Variants in TCF4 observed in about 807,000 individuals in gnomAD.
The protein encoded by TCF4 is transcription factor 4, also known as SL3-3 enhancer factor 2.
Under a neutral mutation model 82.1 loss-of-function variants are expected in TCF4, and 3 were observed. The observed-to-expected ratio is 0.04, with a 90% CI of 0.02 to 0.09. The LOEUF is 0.09. Among genes scored for constraint, TCF4 ranks in the 10% least tolerant of loss-of-function variants. The pLI, the probability that TCF4 is intolerant of heterozygous loss-of-function variation, is 1.00. For synonymous variants in TCF4, 276 were observed against 309.6 expected, an observed-to-expected ratio of 0.89 and a Z score of 1.14; for missense variants, 518 against 852.7, an observed-to-expected ratio of 0.61 and a Z score of 4.89.
intron 5 of TCF4, among the ~76,000 whole-genome samples, chr18:55,434,822 TG>T (rs1224422409): frequency 5.4e-5 from 8 of 148,134 alleles, no homozygotes; most frequent in Non-Finnish European, 1.0e-4. Context: ...AGGTACATAG[TG>T]GGTATATATG....
intron 15 of TCF4, among the ~76,000 whole-genome samples, chr18:55,247,864 A>G (rs1351041803): frequency 5.3e-5 from 8 of 152,236 alleles, no homozygotes; most frequent in African/African-American, 2.4e-5. Context: ...GGGCAGAAAC[A>G]TAAGGACTGT....
At chr18:55,562,230 G>A (rs1438468755) in intron 3 of TCF4, among the ~76,000 whole-genome samples, 2 of 152,106 alleles carry the variant, frequency 1.3e-5, no homozygotes, top group African/African-American at 2.4e-5. Flanking sequence ...AAAGTTTGCC[G>A]ACCCCTGCTC....
chr18:55,254,833 A>C, intron 14 of TCF4, 133 bp from the exon 15 acceptor site: 1 of 839,592 alleles, frequency 1.2e-6, no homozygotes, highest in Non-Finnish European at 2.0e-6. Flanking sequence ...TATTTCCTTA[A>C]AACAATAATA....
intron 3 of TCF4, among the ~76,000 whole-genome samples, chr18:55,576,689 C>T (rs112648345): frequency 6.6e-6 from 1 of 152,214 alleles, no homozygotes; most frequent in African/African-American, 2.4e-5. Context: ...TTATTAATTT[C>T]CCCATGAAAG....
intron 8 of TCF4, among the ~76,000 whole-genome samples, chr18:55,288,304 C>T (rs1046066185): frequency 1.3e-5 from 2 of 152,118 alleles, no homozygotes; most frequent in Non-Finnish European, 2.9e-5. Flanking sequence ...TATCTGTTTA[C>T]ACCTATCAGC....
At chr18:55,275,275 GAAAAAAAA>G (rs533160424) in intron 10 of TCF4, among the ~76,000 whole-genome samples, 1 of 71,376 alleles carries the variant, frequency 1.4e-5, no homozygotes, top group Non-Finnish European at 2.7e-5. Context: ...ACTACAGATA[GAAAAAAAA>G]AAAAAAAAAA....
At chr18:55,351,990 CTAAT>C (rs1438037080) in intron 6 of TCF4, 2 of 726,120 alleles carry the variant, frequency 2.8e-6, no homozygotes, top group Non-Finnish European at 3.4e-6. Flanking sequence ...ACTGACTGAA[CTAAT>C]TACTGTCCTT....
At chr18:55,377,674 A>G (rs955302211) in intron 6 of TCF4, among the ~76,000 whole-genome samples, 2 of 152,364 alleles carry the variant, frequency 1.3e-5, no homozygotes, top group Non-Finnish European at 2.9e-5. Flanking sequence ...ACCACTGTCC[A>G]GGGACCCAGT....
chr18:55,629,801 T>C (rs1397235130), intron 2 of TCF4, among the ~76,000 whole-genome samples: 1 of 152,204 alleles, frequency 6.6e-6, no homozygotes, highest in Admixed American at 6.5e-5. Context: ...TCTTGAACCA[T>C]GCACAATTGA....
intron 3 of TCF4, among the ~76,000 whole-genome samples, chr18:55,580,851 C>T (rs1386456849): frequency 2.0e-5 from 3 of 151,206 alleles, no homozygotes; most frequent in Non-Finnish European, 4.4e-5. Flanking sequence ...GCCTTAAGAT[C>T]CAGTTGTTTA....
chr18:55,306,398 CTAGT>C (rs1438447015), intron 8 of TCF4, among the ~76,000 whole-genome samples: 12 of 152,088 alleles, frequency 7.9e-5, no homozygotes, highest in Non-Finnish European at 1.3e-4. Flanking sequence ...AAGATGGTGG[CTAGT>C]TAAAGAAAGC....
intron 8 of TCF4, among the ~76,000 whole-genome samples, chr18:55,332,840 A>T (rs1307922122): frequency 2.0e-5 from 3 of 152,270 alleles, no homozygotes; most frequent in Non-Finnish European, 4.4e-5. Context: ...GGTAGGAATT[A>T]TACTCTGTAT....
At chr18:55,284,758 C>A (rs953302297) in intron 8 of TCF4, among the ~76,000 whole-genome samples, 1 of 152,180 alleles carries the variant, frequency 6.6e-6, no homozygotes, top group Non-Finnish European at 1.5e-5. Flanking sequence ...CAGAAAACAG[C>A]AAAGCAGAAT....
At chr18:55,354,145 A>AT (rs1251362184) in intron 6 of TCF4, among the ~76,000 whole-genome samples, 4 of 152,002 alleles carry the variant, frequency 2.6e-5, no homozygotes, top group African/African-American at 7.2e-5. Flanking sequence ...CTCGCTCCTA[A>AT]TTTTTTTTCC....
chr18:55,387,782 C>A (rs2092719965), intron 6 of TCF4, among the ~76,000 whole-genome samples: 1 of 152,324 alleles, frequency 6.6e-6, no homozygotes, highest in Admixed American at 6.5e-5. Flanking sequence ...AACAAAGGGA[C>A]AATCGTCTAG....
rs535895066 is a variant in TCF4, at chr18:55,391,146, G to A, written c.369+12308C>T. Reference sequence around the variant, plus strand: ...CTTTTACCACCACTGATGTTGTATTGTACCAGTCACTCTACACATGACAGT... The same window carrying A: ...CTTTTACCACCACTGATGTTGTATTATACCAGTCACTCTACACATGACAGT... On this transcript the variant is annotated intron_variant, in intron 6 of 19. Coordinates refer to ENST00000354452, the MANE Select transcript of TCF4 (RefSeq NM_001083962.2). Among the ~76,000 whole-genome samples, 3 of 152,262 alleles carry A rather than the reference G, an allele frequency of 2.0e-5. No individual in the cohort carries two copies. The East Asian group carries it at 5.8e-4, about 29-fold the overall frequency.
At chr18:55,459,236 C>T (rs1045917556) in intron 5 of TCF4, among the ~76,000 whole-genome samples, 13 of 152,196 alleles carry the variant, frequency 8.5e-5, no homozygotes, top group African/African-American at 2.9e-4. Flanking sequence ...GCTCTCTCCG[C>T]TCTAGACTGT....
Position 55,479,013 on chromosome 18 carries a change from C to T in TCF4, c.146-14876G>A, listed in dbSNP as rs77561740. 3.3e-3 allele frequency among the ~76,000 whole-genome samples: 497 copies of T among 151,792 alleles called. 2 individuals carry two copies. The highest frequency in any genetic ancestry group is 0.011 in the African/African-American group (450 of 41,410). ...AGAAAAAGTGCCAATAATCTACTTC[C>T]CACCATTTCTTTACCTTTTTTGTTT... On this transcript the variant is annotated intron_variant, in intron 3 of 19. Coordinates refer to ENST00000354452, the MANE Select transcript of TCF4 (RefSeq NM_001083962.2).
At chr18:55,558,174 T>C (rs1257725828) in intron 3 of TCF4, among the ~76,000 whole-genome samples, 1 of 152,124 alleles carries the variant, frequency 6.6e-6, no homozygotes, top group East Asian at 1.9e-4. Context: ...ATCCTACTAC[T>C]GTACTCCAGT....
Sources: gnomAD v4.1 joint callset for allele counts (sites outside exome capture counted in the v4.1 genomes callset) on GRCh38, gnomAD v4.1.1 for gene constraint, MANE v1.5 for transcripts, NCBI Gene and HGNC (gene_info 2026-07-23, HGNC 2026-07-21) for gene names.